Variants in TPD52L2 observed in about 807,000 individuals in gnomAD.
TPD52L2 encodes the protein TPD52 like 2, also known as tumor protein D54.
TPD52L2 carries 19 observed loss-of-function variants against 24.7 expected under a neutral mutation model. That is an observed-to-expected ratio of 0.77 (90% CI 0.54 to 1.13). The LOEUF (loss-of-function observed/expected upper bound fraction) is 1.13, where lower values mean the gene tolerates loss of function less well. TPD52L2 is among the 50% of genes most tolerant of loss of function. The probability of loss-of-function intolerance (pLI) is 0.00; values close to 1 mark genes in which losing one functional copy is unlikely to be tolerated. For missense variants in TPD52L2, 236 were observed against 250.4 expected (o/e 0.94, Z 0.39); for synonymous variants, 104 against 100.2 (o/e 1.04, Z -0.23).
chr20:63,869,058 G>A (rs1311774605), intron 1 of TPD52L2, among the ~76,000 whole-genome samples: 4 of 152,312 alleles, frequency 2.6e-5, no homozygotes, highest in East Asian at 1.9e-4. Context: ...GCCTTGGGCC[G>A]GCATTTGTCG....
chr20:63,886,441 A>G (rs190205850), intron 5 of TPD52L2, among the ~76,000 whole-genome samples: 3,397 of 151,588 alleles, frequency 0.022, 139 homozygotes, highest in African/African-American at 0.077. Flanking sequence ...GCTCACTGCA[A>G]GCTCCGCCTC....
intron 1 of TPD52L2, among the ~76,000 whole-genome samples, chr20:63,866,614 A>G (rs2052247166): frequency 6.6e-6 from 1 of 151,698 alleles, no homozygotes; most frequent in African/African-American, 2.4e-5. Flanking sequence ...GGCGCCCGCC[A>G]TCATGCCCGG....
At chr20:63,883,817 G>GCTGCCTGC (rs151203422) in intron 5 of TPD52L2, among the ~76,000 whole-genome samples, 6 of 74,354 alleles carry the variant, frequency 8.1e-5, no homozygotes, top group South Asian at 3.6e-4. Flanking sequence ...CTCCTGCTGG[G>GCTGCCTGC]CTGCCTGCCT....
At chr20:63,871,032 C>T (rs1430697008) in intron 2 of TPD52L2, among the ~76,000 whole-genome samples, 1 of 150,484 alleles carries the variant, frequency 6.6e-6, no homozygotes, top group East Asian at 2.0e-4. Flanking sequence ...AGGTGAAGTT[C>T]TGTATTGCTT....
Position 63,889,974 on chromosome 20 carries a change from C to T in TPD52L2, c.*29C>T. On this transcript the variant is annotated 3_prime_UTR_variant, in exon 7 of 7. Coordinates refer to ENST00000346249, the MANE Select transcript of TPD52L2 (RefSeq NM_003288.4). ...TGTGGTTGCTTCACCCGCTGCAGAGCACACGCAACCCAGCCTCAGCATCAC... is the reference window on the plus strand; with the variant it reads ...TGTGGTTGCTTCACCCGCTGCAGAGTACACGCAACCCAGCCTCAGCATCAC... The T allele has an allele frequency of 1.2e-6, 2 of 1,613,132 alleles. No homozygotes were observed. The highest frequency in any genetic ancestry group is 1.3e-5 in the African/African-American group (1 of 75,060).
At chr20:63,882,687 T>C (rs1229786909) in intron 4 of TPD52L2, 32 bp from the exon 5 acceptor site, 1 of 1,578,038 alleles carries the variant, frequency 6.3e-7, no homozygotes, top group South Asian at 1.1e-5. Context: ...CCGCCCATGC[T>C]GTCTGGTTGA....
At chr20:63,886,563 G>GTGCTAGCCAGGA (rs1230344059) in intron 5 of TPD52L2, among the ~76,000 whole-genome samples, 5 of 151,564 alleles carry the variant, frequency 3.3e-5, no homozygotes, top group African/African-American at 9.7e-5. Context: ...GGGTTTCACC[G>GTGCTAGCCAGGA]TGGTCTCGAT....
At position 63,875,873 on chromosome 20, in the gene TPD52L2, C is replaced by T. The variant is rs2052654544; in HGVS notation, c.372C>T (p.Asp124=). ...GGAATGAGAAAGTGACCCAGTCAGA[C>T]CTGTGAGTGCCTGTATCATCAGCAC... The part of the protein sequence containing the change: ...GEWNEKVTQS[D]LYKKTQETLS... The change falls in exon 4 of 7, where the codon GAC becomes GAT. Residue 124 remains aspartate, a splice_region_variant and synonymous_variant. Transcript: ENST00000346249. The T allele has an allele frequency of 1.2e-6, 2 of 1,614,124 alleles. No homozygotes were observed. The highest frequency in any genetic ancestry group is 1.3e-5 in the African/African-American group (1 of 75,048).
chr20:63,865,411 C>G, intron 1 of TPD52L2, 27 bp downstream of exon 1: 1 of 1,527,654 alleles, frequency 6.5e-7, no homozygotes, highest in Non-Finnish European at 8.8e-7. Flanking sequence ...GCCCCTTCGC[C>G]GCAGATGGGC....
intron 5 of TPD52L2, among the ~76,000 whole-genome samples, chr20:63,884,967 T>C (rs755864100): frequency 2.0e-5 from 3 of 152,236 alleles, no homozygotes; most frequent in African/African-American, 4.8e-5. Flanking sequence ...GCCCCTGGTG[T>C]ATCCCCATCA....
chr20:63,872,408 C>T (rs973588729), intron 2 of TPD52L2, among the ~76,000 whole-genome samples: 17 of 152,106 alleles, frequency 1.1e-4, no homozygotes, highest in Non-Finnish European at 1.8e-4. Flanking sequence ...GAAACAGTCT[C>T]GGTCTGTCAC....
intron 1 of TPD52L2, among the ~76,000 whole-genome samples, chr20:63,867,976 G>A (rs528962313): frequency 5.3e-5 from 8 of 150,614 alleles, no homozygotes; most frequent in African/African-American, 1.7e-4. Context: ...TTTTTTGGCC[G>A]CGCGTGGTGG....
intron 2 of TPD52L2, among the ~76,000 whole-genome samples, chr20:63,870,738 G>C (rs2052431483): frequency 7.1e-6 from 1 of 140,468 alleles, no homozygotes. Flanking sequence ...TTTTTTTGGA[G>C]ACAGAGTCTC....
At chr20:63,870,840 C>T (rs968313548) in intron 2 of TPD52L2, among the ~76,000 whole-genome samples, 1 of 151,508 alleles carries the variant, frequency 6.6e-6, no homozygotes, top group Non-Finnish European at 1.5e-5. Context: ...GCCTCAGCCT[C>T]CCGAATATCT....
intron 5 of TPD52L2, among the ~76,000 whole-genome samples, chr20:63,886,254 G>GC (rs766419807): frequency 6.6e-6 from 1 of 152,128 alleles, no homozygotes; most frequent in Non-Finnish European, 1.5e-5. Context: ...GAACCCCCCG[G>GC]CCCTTCTGTG....
intron 2 of TPD52L2, among the ~76,000 whole-genome samples, chr20:63,869,993 T>A (rs2052398719): frequency 6.6e-6 from 1 of 152,066 alleles, no homozygotes; most frequent in Admixed American, 6.6e-5. Context: ...CCAGGTGTGG[T>A]GGCATGTGCC....
In TPD52L2 at chr20:63,882,758, G is replaced by A. The variant is rs778128718; in HGVS notation, c.414G>A (p.Gln138=). ...AGGAAACTCTTTCACAGGCAGGACA[G>A]AAGACTTCAGCTGCCCTGTCCACAG... ...KTQETLSQAG[Q]KTSAALSTVG... The change falls in exon 5 of 7, where the codon CAG becomes CAA. Residue 138 remains glutamine, a synonymous_variant. Transcript: ENST00000346249. 6.2e-7 allele frequency: 1 copy of A among 1,614,158 alleles called. No homozygotes were observed. The highest frequency in any genetic ancestry group is 1.1e-5 in the South Asian group (1 of 91,090).
At chr20:63,887,910 C>T (rs769820960) in intron 5 of TPD52L2, 1 of 481,922 alleles carries the variant, frequency 2.1e-6, no homozygotes, top group Non-Finnish European at 3.7e-6. Context: ...TCGAGGGGCT[C>T]GCACACAGAT....
chr20:63,868,522 C>T (rs531311641), intron 1 of TPD52L2, among the ~76,000 whole-genome samples: 1 of 152,248 alleles, frequency 6.6e-6, no homozygotes, highest in African/African-American at 2.4e-5. Flanking sequence ...TTGCTGCCTC[C>T]CTGAAGGAGC....
Sources: gnomAD v4.1 joint callset for allele counts (sites outside exome capture counted in the v4.1 genomes callset) on GRCh38, gnomAD v4.1.1 for gene constraint, MANE v1.5 for transcripts, NCBI Gene and HGNC (gene_info 2026-07-23, HGNC 2026-07-21) for gene names.